The following DCUN1D4 variants were observed in gnomAD, a reference collection of about 807,000 sequenced individuals.
The protein encoded by DCUN1D4 is defective in cullin neddylation 1 domain containing 4.
A neutral mutation model predicts 47.9 loss-of-function variants in DCUN1D4; 22 were observed. That is an observed-to-expected ratio of 0.46 (90% CI 0.33 to 0.66). DCUN1D4 has a LOEUF of 0.66. Ranked by LOEUF, DCUN1D4 falls within the 30% of genes least tolerant of loss-of-function variation. The probability of loss-of-function intolerance (pLI) is 0.02; values close to 1 mark genes in which losing one functional copy is unlikely to be tolerated. For synonymous variants in DCUN1D4, 121 were observed against 112.2 expected, an observed-to-expected ratio of 1.08 and a Z score of -0.50; for missense variants, 301 against 340.8, an observed-to-expected ratio of 0.88 and a Z score of 0.92.
intron 7 of DCUN1D4, among the ~76,000 whole-genome samples, chr4:51,895,291 C>A (rs1731068224): frequency 6.6e-6 from 1 of 151,472 alleles, no homozygotes. Context: ...TCATTTCTGT[C>A]ATTTCCTGGG....
chr4:51,868,691 C>T (rs1033465756), intron 3 of DCUN1D4, among the ~76,000 whole-genome samples: 5 of 152,180 alleles, frequency 3.3e-5, no homozygotes, highest in East Asian at 1.9e-4. Context: ...TCACAGAGAT[C>T]GGGTATCTTC....
chr4:51,886,866 G>A, intron 6 of DCUN1D4: 2 of 503,980 alleles, frequency 4.0e-6, no homozygotes, highest in Admixed American at 3.3e-5. Context: ...TTTCTTGTAT[G>A]TAAAAGGTAC....
intron 1 of DCUN1D4, among the ~76,000 whole-genome samples, chr4:51,850,294 A>G (rs1482509551): frequency 6.6e-6 from 1 of 152,174 alleles, no homozygotes; most frequent in African/African-American, 2.4e-5. Flanking sequence ...AAGTGTCTTG[A>G]GTTAGATGAC....
In DCUN1D4 at chr4:51,887,291, A is replaced by G. The variant is rs142859360; in HGVS notation, c.414+653A>G. The G allele has an allele frequency of 1.2e-3, 407 of 330,146 alleles. 2 individuals carry two copies. The highest frequency in any genetic ancestry group is 8.8e-3 in the African/African-American group (393 of 44,730). The allele number at this position is 330,146 out of a possible 1,614,324, so 20.5% of individuals were successfully genotyped here. On this transcript the variant is annotated intron_variant, in intron 6 of 10. Transcript: ENST00000334635. ...TAATGTTTTTTGTATTTTAGTAGAG[A>G]TGGGATTTCACCATGTTGGCCAGAT...
chr4:51,853,014 C>A (rs890692622), intron 1 of DCUN1D4, among the ~76,000 whole-genome samples: 1 of 152,188 alleles, frequency 6.6e-6, no homozygotes, highest in African/African-American at 2.4e-5. Flanking sequence ...CATTTGTGCT[C>A]ACCTTCAGTG....
chr4:51,877,983 G>GAA, intron 5 of DCUN1D4, 129 bp downstream of exon 5: 1 of 402,724 alleles, frequency 2.5e-6, no homozygotes, highest in East Asian at 4.9e-5. Flanking sequence ...CCCTGTTAGA[G>GAA]GGAGAGAGGG....
chr4:51,874,228 T>A lies in DCUN1D4; in HGVS notation c.137-43T>A. ...GTTCTTTGGAAGTACAGAGTTAGGA[T>A]GTAGCATACCTTAATTTTGTGCTCT... On this transcript the variant is annotated intron_variant, in intron 3 of 10. Transcript: ENST00000334635. 3 of 1,349,928 alleles carry A rather than the reference T, an allele frequency of 2.2e-6. No homozygotes were observed. The South Asian group carries it at 3.7e-5, about 17-fold the overall frequency. The allele number at this position is 1,349,928 out of a possible 1,614,324, so 83.6% of individuals were successfully genotyped here. A position where few individuals can be genotyped will look rare whatever the true frequency, so the allele number is the denominator to read the frequency against.
At chr4:51,889,781 G>A in intron 6 of DCUN1D4, among the ~76,000 whole-genome samples, 1 of 152,154 alleles carries the variant, frequency 6.6e-6, no homozygotes, top group East Asian at 1.9e-4. Flanking sequence ...ATCCACTAAT[G>A]TGTGAATAAT....
intron 1 of DCUN1D4, chr4:51,860,459 C>A (rs772740060): frequency 2.6e-6 from 1 of 382,970 alleles, no homozygotes; most frequent in East Asian, 7.5e-5. Context: ...AGTCGCAGTG[C>A]CATTCTTGCA....
upstream of DCUN1D4, chr4:51,843,039 C>G (rs1721842284): frequency 1.5e-6 from 2 of 1,371,174 alleles, no homozygotes; most frequent in African/African-American, 1.5e-5. Context: ...CAGACCGGCG[C>G]TATGGGCACT....
chr4:51,865,231 T>C lies in DCUN1D4; in HGVS notation c.136+1522T>C, dbSNP rs561271412. ...CAGCACCAGCATTTCCTCTGTAATCTTCCTTTATGATACCACCTCCTACAT... is the reference window on the plus strand; with the variant it reads ...CAGCACCAGCATTTCCTCTGTAATCCTCCTTTATGATACCACCTCCTACAT... On this transcript the variant is annotated intron_variant, in intron 3 of 10. Transcript: ENST00000334635. The C allele has an allele frequency of 3.8e-4, 81 of 215,042 alleles. No individual in the cohort carries two copies. The South Asian group carries it at 6.1e-3, about 16-fold the overall frequency. The allele number at this position is 215,042 out of a possible 1,614,324, so 13.3% of individuals were successfully genotyped here. A position where few individuals can be genotyped will look rare whatever the true frequency, so the allele number is the denominator to read the frequency against.
intron 6 of DCUN1D4, among the ~76,000 whole-genome samples, chr4:51,890,536 G>A (rs1329729395): frequency 6.6e-6 from 1 of 152,148 alleles, no homozygotes; most frequent in Non-Finnish European, 1.5e-5. Flanking sequence ...TTAGGAGTTG[G>A]GTGTTCCTTA....
At chr4:51,886,498 A>G in intron 5 of DCUN1D4, 70 bp from the exon 6 acceptor site, 1 of 1,340,818 alleles carries the variant, frequency 7.5e-7, no homozygotes, top group Non-Finnish European at 1.1e-6. Flanking sequence ...TTGACAGTAT[A>G]ATACTACTAC....
At chr4:51,856,924 G>A (rs1724231824) in intron 1 of DCUN1D4, among the ~76,000 whole-genome samples, 2 of 152,212 alleles carry the variant, frequency 1.3e-5, no homozygotes, top group Non-Finnish European at 2.9e-5. Flanking sequence ...CCTTCCTCCA[G>A]CATTGGAATA....
intron 1 of DCUN1D4, among the ~76,000 whole-genome samples, chr4:51,858,441 G>T (rs1724489765): frequency 6.6e-6 from 1 of 152,132 alleles, no homozygotes. Context: ...AGATTGGAGA[G>T]ATTAGCAGAT....
In DCUN1D4 at chr4:51,913,512, T is replaced by A. The variant is rs761565930; in HGVS notation, c.824-17T>A. ...TATTATTATTATTATTACTACTGTT[T>A]CTCTCTTTCTCTCCAGGGCCAGTTT... On this transcript the variant is annotated splice_polypyrimidine_tract_variant and intron_variant, in intron 10 of 10. Coordinates refer to ENST00000334635, the MANE Select transcript of DCUN1D4 (RefSeq NM_001040402.3). 7 of 1,608,878 alleles carry A rather than the reference T, an allele frequency of 4.4e-6. No homozygotes were observed. The South Asian group carries it at 7.7e-5, about 18-fold the overall frequency.
At chr4:51,903,049 TAC>T (rs1352524104) in intron 8 of DCUN1D4, among the ~76,000 whole-genome samples, 3 of 152,214 alleles carry the variant, frequency 2.0e-5, no homozygotes, top group Admixed American at 6.5e-5. Flanking sequence ...CGCAATATGC[TAC>T]TATAACTTTT....
intron 5 of DCUN1D4, among the ~76,000 whole-genome samples, chr4:51,879,396 C>A (rs1728185359): frequency 6.6e-6 from 1 of 152,198 alleles, no homozygotes; most frequent in Admixed American, 6.5e-5. Context: ...TGCCTGAGTT[C>A]AGGAGTTCCA....
chr4:51,891,203 T>C (rs1364041503), intron 6 of DCUN1D4, among the ~76,000 whole-genome samples: 1 of 152,264 alleles, frequency 6.6e-6, no homozygotes, highest in Non-Finnish European at 1.5e-5. Flanking sequence ...TTTCACTTAA[T>C]ACATCTTGGA....
Sources: gnomAD v4.1 joint callset for allele counts (sites outside exome capture counted in the v4.1 genomes callset) on GRCh38, gnomAD v4.1.1 for gene constraint, MANE v1.5 for transcripts, NCBI Gene and HGNC (gene_info 2026-07-23, HGNC 2026-07-21) for gene names.